Variants in PDZRN4 observed in about 807,000 individuals in gnomAD.
PDZRN4 encodes PDZ domain containing ring finger 4.
A neutral mutation model predicts 99.0 loss-of-function variants in PDZRN4; 70 were observed. That is an observed-to-expected ratio of 0.71 (90% CI 0.58 to 0.86). The LOEUF (loss-of-function observed/expected upper bound fraction) is 0.86, where lower values mean the gene tolerates loss of function less well. Among genes scored for constraint, PDZRN4 ranks in the 40% least tolerant of loss-of-function variants. PDZRN4 has a pLI of 0.00. For synonymous variants in PDZRN4, 551 were observed against 501.6 expected, an observed-to-expected ratio of 1.10 and a Z score of -1.32; for missense variants, 1,474 against 1,331.2, an observed-to-expected ratio of 1.11 and a Z score of -1.67.
At chr12:41,544,237 G>T (rs1184118177) in intron 5 of PDZRN4, among the ~76,000 whole-genome samples, 1 of 152,188 alleles carries the variant, frequency 6.6e-6, no homozygotes, top group Admixed American at 6.5e-5. Flanking sequence ...TAACTTCATA[G>T]ATAATTTTGT....
chr12:41,275,321 T>A (rs933912650), intron 3 of PDZRN4, among the ~76,000 whole-genome samples: 1 of 152,196 alleles, frequency 6.6e-6, no homozygotes, highest in African/African-American at 2.4e-5. Flanking sequence ...TTCTTCATAA[T>A]GCTTACTACC....
intron 3 of PDZRN4, among the ~76,000 whole-genome samples, chr12:41,293,230 G>C (rs1274685068): frequency 7.1e-6 from 1 of 140,898 alleles, no homozygotes; most frequent in Non-Finnish European, 1.6e-5. Context: ...ACTAACTTCT[G>C]GCTGGTGGAA....
intron 3 of PDZRN4, among the ~76,000 whole-genome samples, chr12:41,207,628 G>T (rs1950860549): frequency 6.6e-6 from 1 of 151,626 alleles, no homozygotes; most frequent in Non-Finnish European, 1.5e-5. Flanking sequence ...CAATCAGAAT[G>T]GTAAGGATGA....
chr12:41,201,646 G>A (rs1035538792), intron 3 of PDZRN4, among the ~76,000 whole-genome samples: 1 of 151,998 alleles, frequency 6.6e-6, no homozygotes, highest in African/African-American at 2.4e-5. Flanking sequence ...ATGGATCCAA[G>A]AGTTTTTCAA....
intron 3 of PDZRN4, among the ~76,000 whole-genome samples, chr12:41,504,716 A>G (rs953760878): frequency 7.9e-5 from 12 of 152,162 alleles, no homozygotes; most frequent in Admixed American, 5.9e-4. Context: ...ATGTCCACAT[A>G]TCCTCATGTG....
At chr12:41,495,320 C>T (rs927767358) in intron 3 of PDZRN4, among the ~76,000 whole-genome samples, 6 of 152,048 alleles carry the variant, frequency 3.9e-5, no homozygotes, top group African/African-American at 1.4e-4. Context: ...GGATGGGCAA[C>T]GTCTACTTGG....
At chr12:41,473,173 G>C (rs1011467062) in intron 3 of PDZRN4, among the ~76,000 whole-genome samples, 22 of 151,880 alleles carry the variant, frequency 1.4e-4, no homozygotes, top group Non-Finnish European at 2.8e-4. Context: ...CATTTTTAGA[G>C]GTCAAAAAGT....
chr12:41,542,959 G>A (rs1333617345), intron 5 of PDZRN4, among the ~76,000 whole-genome samples: 1 of 151,946 alleles, frequency 6.6e-6, no homozygotes, highest in Non-Finnish European at 1.5e-5. Flanking sequence ...TATATAAGAT[G>A]GAAGCCACAG....
chr12:41,381,443 A>G (rs560143721), intron 3 of PDZRN4, among the ~76,000 whole-genome samples: 8 of 150,972 alleles, frequency 5.3e-5, no homozygotes, highest in Admixed American at 4.6e-4. Flanking sequence ...TCTTTTTGCT[A>G]TTCTTCCTGG....
chr12:41,353,626 C>T (rs10785246), intron 3 of PDZRN4, among the ~76,000 whole-genome samples: 135,595 of 151,960 alleles, frequency 0.89, 60,748 homozygotes, highest in Middle Eastern at 0.96. Context: ...GCAAGCAGCA[C>T]TGGTGAGGAG....
chr12:41,452,272 TACA>T (rs1952781187), intron 3 of PDZRN4, among the ~76,000 whole-genome samples: 1 of 102,240 alleles, frequency 9.8e-6, no homozygotes, highest in South Asian at 3.1e-4. Flanking sequence ...TACTAAAAAA[TACA>T]AAAAAAAAAA....
intron 3 of PDZRN4, among the ~76,000 whole-genome samples, chr12:41,195,962 C>A (rs541780792): frequency 3.2e-4 from 49 of 152,064 alleles, no homozygotes; most frequent in African/African-American, 1.1e-3. Flanking sequence ...CACATAGACA[C>A]AACAGAAATA....
intron 3 of PDZRN4, among the ~76,000 whole-genome samples, chr12:41,406,955 A>G (rs537710226): frequency 6.6e-6 from 1 of 152,182 alleles, no homozygotes; most frequent in Admixed American, 6.5e-5. Flanking sequence ...ATGCAATCCC[A>G]ACCCATGTTC....
chr12:41,472,491 T>C (rs2120573085), intron 3 of PDZRN4, among the ~76,000 whole-genome samples: 1 of 152,366 alleles, frequency 6.6e-6, no homozygotes, highest in Admixed American at 6.5e-5. Flanking sequence ...TTAATTTTTT[T>C]GGTACTCAAA....
chr12:41,393,423 T>C (rs1398809387), intron 3 of PDZRN4, among the ~76,000 whole-genome samples: 1 of 152,130 alleles, frequency 6.6e-6, no homozygotes, highest in Admixed American at 6.6e-5. Flanking sequence ...GGTAGGATGC[T>C]GATGCCTCAC....
chr12:41,482,360 G>T (rs1592078667), intron 3 of PDZRN4, among the ~76,000 whole-genome samples: 1 of 152,156 alleles, frequency 6.6e-6, no homozygotes, highest in African/African-American at 2.4e-5. Context: ...AGTTGGAAAA[G>T]AAAAATCTGA....
At chr12:41,424,824 G>A (rs1952521944) in intron 3 of PDZRN4, among the ~76,000 whole-genome samples, 1 of 152,136 alleles carries the variant, frequency 6.6e-6, no homozygotes, top group East Asian at 1.9e-4. Flanking sequence ...TTACAAGCCT[G>A]GAGTGAGTGG....
chr12:41,211,235 T>C (rs1950886425), intron 3 of PDZRN4, among the ~76,000 whole-genome samples: 1 of 151,938 alleles, frequency 6.6e-6, no homozygotes, highest in Non-Finnish European at 1.5e-5. Context: ...GGGAAAACAA[T>C]CAGAAGATGT....
chr12:41,212,288 T>G (rs866548170), intron 3 of PDZRN4, among the ~76,000 whole-genome samples: 1 of 152,108 alleles, frequency 6.6e-6, no homozygotes, highest in Non-Finnish European at 1.5e-5. Flanking sequence ...CATTTGTTTC[T>G]TAGTGTTTCT....
Sources: allele counts gnomAD v4.1 joint callset (sites outside exome capture counted in the v4.1 genomes callset), GRCh38; gene constraint gnomAD v4.1.1; transcripts MANE v1.5; gene names NCBI Gene and HGNC (gene_info 2026-07-23, HGNC 2026-07-21).